GALNTL6: variants seen among roughly 807,000 people sequenced by gnomAD.
GALNTL6 encodes polypeptide N-acetylgalactosaminyltransferase-like 6.
In GALNTL6, 46 loss-of-function variants were observed where a neutral mutation model predicts 73.7. That is an observed-to-expected ratio of 0.62 (90% CI 0.49 to 0.80). GALNTL6 has a LOEUF of 0.80. Among genes scored for constraint, GALNTL6 ranks in the 30% least tolerant of loss-of-function variants. GALNTL6 has a pLI of 0.00. For missense variants in GALNTL6, 604 were observed against 755.0 expected (o/e 0.80, Z 2.34); for synonymous variants, 259 against 263.7 (o/e 0.98, Z 0.17).
intron 3 of GALNTL6, among the ~76,000 whole-genome samples, chr4:172,231,830 A>G (rs1049068829): frequency 6.6e-6 from 1 of 152,084 alleles, no homozygotes; most frequent in Admixed American, 6.6e-5. Context: ...TACAAAATCC[A>G]GTGCTTCACA....
chr4:172,305,269 T>A (rs992803652), intron 3 of GALNTL6, among the ~76,000 whole-genome samples: 8 of 152,174 alleles, frequency 5.3e-5, no homozygotes, highest in Admixed American at 2.0e-4. Flanking sequence ...ATGTTAAGTA[T>A]CTACTATCTG....
chr4:172,031,392 T>A (rs1741764749), intron 2 of GALNTL6, among the ~76,000 whole-genome samples: 1 of 152,132 alleles, frequency 6.6e-6, no homozygotes, highest in African/African-American at 2.4e-5. Context: ...GAAAAAGGTT[T>A]TAGAATAAAC....
intron 2 of GALNTL6, among the ~76,000 whole-genome samples, chr4:172,181,793 T>G (rs1039349342): frequency 1.3e-5 from 2 of 150,000 alleles, no homozygotes; most frequent in Non-Finnish European, 3.0e-5. Flanking sequence ...CTCGGCTCAC[T>G]GCAGCCTCCA....
At chr4:172,543,100 G>GA (rs59516745) in intron 5 of GALNTL6, among the ~76,000 whole-genome samples, 142,428 of 152,086 alleles carry the variant, frequency 0.94, 67,295 homozygotes, top group Non-Finnish European at 1. Flanking sequence ...CATCGCAAAA[G>GA]AAAAGGAACA....
At chr4:172,984,460 G>A (rs947613063) in intron 10 of GALNTL6, among the ~76,000 whole-genome samples, 1 of 152,186 alleles carries the variant, frequency 6.6e-6, no homozygotes, top group Non-Finnish European at 1.5e-5. Context: ...CTTGACATGT[G>A]GGGATTATTA....
At chr4:171,950,786 C>T (rs969514159) in intron 2 of GALNTL6, among the ~76,000 whole-genome samples, 6 of 152,026 alleles carry the variant, frequency 3.9e-5, no homozygotes, top group African/African-American at 1.4e-4. Context: ...CCAGTAAAAT[C>T]ATTTTAAGGA....
At chr4:172,146,997 G>C (rs1393009152) in intron 2 of GALNTL6, among the ~76,000 whole-genome samples, 1 of 152,162 alleles carries the variant, frequency 6.6e-6, no homozygotes, top group Non-Finnish European at 1.5e-5. Context: ...GATTGTTGAA[G>C]TAGACTGTCA....
At chr4:171,926,763 T>A (rs1380653662) in intron 2 of GALNTL6, among the ~76,000 whole-genome samples, 2 of 152,200 alleles carry the variant, frequency 1.3e-5, no homozygotes, top group Non-Finnish European at 1.5e-5. Flanking sequence ...GCTCTGTGAA[T>A]TTCATGTCTG....
chr4:171,866,479 GT>G (rs1735974451), intron 2 of GALNTL6, among the ~76,000 whole-genome samples: 1 of 152,194 alleles, frequency 6.6e-6, no homozygotes, highest in African/African-American at 2.4e-5. Flanking sequence ...TCATAGGAAA[GT>G]TTCTTTTTTC....
At chr4:171,982,276 A>C (rs983061442) in intron 2 of GALNTL6, among the ~76,000 whole-genome samples, 1 of 142,482 alleles carries the variant, frequency 7.0e-6, no homozygotes, top group Non-Finnish European at 1.6e-5. Context: ...TTCACCTAAT[A>C]GACGAAAGTA....
chr4:172,234,587 T>C (rs1054921798), intron 3 of GALNTL6, among the ~76,000 whole-genome samples: 1 of 152,154 alleles, frequency 6.6e-6, no homozygotes, highest in African/African-American at 2.4e-5. Context: ...AGATAAATGT[T>C]CTCCTTTAAT....
rs368416381 is a variant in GALNTL6, at chr4:172,997,546, TTC to T, written c.1372-11626_1372-11625del. On this transcript the variant is annotated intron_variant, in intron 10 of 12. Transcript: ENST00000506823. ...AGTAGAGTAGCTTATTTATATGAAT[TTC>T]TCTCTGTGTCTATTTGTGAAAATCA... Among the ~76,000 whole-genome samples the T allele has an allele frequency of 3.4e-3, 512 of 152,314 alleles. 3 individuals carry two copies. The highest frequency in any genetic ancestry group is 0.012 in the African/African-American group (489 of 41,566).
chr4:171,966,411 A>G (rs940232902), intron 2 of GALNTL6, among the ~76,000 whole-genome samples: 1 of 152,200 alleles, frequency 6.6e-6, no homozygotes, highest in Admixed American at 6.5e-5. Flanking sequence ...ACAGGCCATT[A>G]TAAATGGGCT....
At position 172,400,945 on chromosome 4, in the gene GALNTL6, G is replaced by A. The variant is rs1282768735; in HGVS notation, c.553+52256G>A. Among the ~76,000 whole-genome samples the A allele has an allele frequency of 5.9e-5, 9 of 152,128 alleles. No individual in the cohort carries two copies. In the South Asian group the frequency reaches 1.9e-3, roughly 32 times the overall value. On this transcript the variant is annotated intron_variant, in intron 5 of 12. Coordinates refer to ENST00000506823, the MANE Select transcript of GALNTL6 (RefSeq NM_001034845.3). ...ATTATTTTTGTGAAATGAAACCTAG[G>A]TCCAAAACATTTCACTACAAATGAT...
At chr4:172,827,012 G>C (rs1181141494) in intron 7 of GALNTL6, among the ~76,000 whole-genome samples, 1 of 152,174 alleles carries the variant, frequency 6.6e-6, no homozygotes, top group Admixed American at 6.5e-5. Context: ...ATCTTTCTCA[G>C]CTAGCCTCAG....
intron 2 of GALNTL6, among the ~76,000 whole-genome samples, chr4:171,987,912 G>GCCA (rs1452964810): frequency 6.6e-6 from 1 of 152,096 alleles, no homozygotes; most frequent in Non-Finnish European, 1.5e-5. Flanking sequence ...GTGGAAGTCG[G>GCCA]GATTAAAGTC....
intron 4 of GALNTL6, among the ~76,000 whole-genome samples, chr4:172,318,866 T>A (rs1314787863): frequency 6.6e-6 from 1 of 152,062 alleles, no homozygotes; most frequent in Admixed American, 6.6e-5. Flanking sequence ...AAATCATGTG[T>A]GTTGAATATC....
intron 5 of GALNTL6, among the ~76,000 whole-genome samples, chr4:172,428,362 C>T (rs1368206985): frequency 2.6e-5 from 4 of 151,844 alleles, no homozygotes; most frequent in African/African-American, 7.3e-5. Flanking sequence ...AGTAAAATGG[C>T]GTTAGGAAAC....
intron 5 of GALNTL6, among the ~76,000 whole-genome samples, chr4:172,562,116 G>A (rs1736394997): frequency 6.6e-6 from 1 of 152,118 alleles, no homozygotes; most frequent in Admixed American, 6.6e-5. Flanking sequence ...GAAGACAAAT[G>A]TGAAGCCAAA....
Sources: gnomAD v4.1 joint callset for allele counts (sites outside exome capture counted in the v4.1 genomes callset) on GRCh38, gnomAD v4.1.1 for gene constraint, MANE v1.5 for transcripts, NCBI Gene and HGNC (gene_info 2026-07-23, HGNC 2026-07-21) for gene names.